RYR2: variants seen among roughly 807,000 people sequenced by gnomAD.
RYR2 encodes the protein ryanodine receptor 2.
RYR2 carries 227 observed loss-of-function variants against 601.1 expected under a neutral mutation model. That is an observed-to-expected ratio of 0.38 (90% CI 0.34 to 0.42). The LOEUF (loss-of-function observed/expected upper bound fraction) is 0.42. Ranked by LOEUF, RYR2 falls within the 10% of genes least tolerant of loss-of-function variation. RYR2 has a pLI of 1.00. For missense variants in RYR2, 4,646 were observed against 6,156.5 expected (o/e 0.75, Z 8.21); for synonymous variants, 2,223 against 2,175.1 (o/e 1.02, Z -0.61).
chr1:237,208,913 T>G (rs1682122649), intron 1 of RYR2, among the ~76,000 whole-genome samples: 1 of 139,848 alleles, frequency 7.2e-6, no homozygotes, highest in African/African-American at 2.7e-5. Context: ...CTCTCTCTCA[T>G]CTGTACAACC....
chr1:237,211,478 T>C (rs1460491614), intron 1 of RYR2, among the ~76,000 whole-genome samples: 1 of 152,228 alleles, frequency 6.6e-6, no homozygotes, highest in Admixed American at 6.5e-5. Flanking sequence ...AAGGTTTAGA[T>C]AGACAGGCTT....
intron 1 of RYR2, among the ~76,000 whole-genome samples, chr1:237,107,307 G>T (rs1234431946): frequency 6.6e-6 from 1 of 151,440 alleles, no homozygotes; most frequent in Non-Finnish European, 1.5e-5. Flanking sequence ...GGATCACGAG[G>T]TCAGGAGATC....
intron 2 of RYR2, among the ~76,000 whole-genome samples, chr1:237,276,365 G>A (rs1327273970): frequency 6.6e-6 from 1 of 152,168 alleles, no homozygotes; most frequent in Non-Finnish European, 1.5e-5. Flanking sequence ...CTCCCAAAGT[G>A]CTGAGATTAC....
intron 55 of RYR2, 53 bp from the exon 56 acceptor site, chr1:237,660,757 A>T (rs908988661): frequency 1.4e-6 from 2 of 1,459,830 alleles, no homozygotes; most frequent in African/African-American, 2.9e-5. Context: ...GTTACTTAAC[A>T]TTTTTATTTA....
chr1:237,376,116 G>A (rs977663808), intron 7 of RYR2, among the ~76,000 whole-genome samples: 1 of 152,070 alleles, frequency 6.6e-6, no homozygotes, highest in Non-Finnish European at 1.5e-5. Flanking sequence ...CCAATAGTGG[G>A]TACACTATAA....
At chr1:237,493,687 C>T (rs1274279734) in intron 19 of RYR2, among the ~76,000 whole-genome samples, 9 of 152,162 alleles carry the variant, frequency 5.9e-5, no homozygotes, top group African/African-American at 1.7e-4. Flanking sequence ...CTCCTGACCT[C>T]GTGATCTGCC....
At chr1:237,508,268 A>G (rs1326772693) in intron 23 of RYR2, among the ~76,000 whole-genome samples, 5 of 152,090 alleles carry the variant, frequency 3.3e-5, no homozygotes, top group Admixed American at 3.3e-4. Context: ...CGGCCTCATC[A>G]ATTCTTAAAA....
chr1:237,824,920 T>C (rs948597856), intron 101 of RYR2, among the ~76,000 whole-genome samples: 1 of 152,078 alleles, frequency 6.6e-6, no homozygotes, highest in African/African-American at 2.4e-5. Context: ...CCATTCACAA[T>C]TGCTATAAAG....
intron 36 of RYR2, among the ~76,000 whole-genome samples, chr1:237,611,547 T>C (rs1319276058): frequency 1.3e-5 from 2 of 152,160 alleles, no homozygotes; most frequent in African/African-American, 4.8e-5. Flanking sequence ...TGAGTAGCTT[T>C]GTTTATGATT....
chr1:237,814,547 CAG>C (rs34431823), intron 100 of RYR2, among the ~76,000 whole-genome samples: 8,287 of 140,656 alleles, frequency 0.059, 718 homozygotes, highest in African/African-American at 0.21. Context: ...AGACAAGTCA[CAG>C]GGGGATTTTT....
chr1:237,042,458 G>A lies in RYR2; in HGVS notation c.-64G>A. 1 of 1,228,098 alleles carries A rather than the reference G, an allele frequency of 8.1e-7. No individual in the cohort carries two copies. The highest frequency in any genetic ancestry group is 1.0e-6 in the Non-Finnish European group (1 of 974,458). The allele number at this position is 1,228,098 out of a possible 1,614,324, so 76.1% of individuals were successfully genotyped here. On this transcript the variant is annotated 5_prime_UTR_variant, in exon 1 of 105. Coordinates refer to ENST00000366574, the MANE Select transcript of RYR2 (RefSeq NM_001035.3). ...AGCAGAAGCAGAAGGCAGCGCCAGG[G>A]GCCGCCGCCGCCGCCGAGCTCCGCG...
At chr1:237,190,197 T>G (rs1376169505) in intron 1 of RYR2, among the ~76,000 whole-genome samples, 1 of 152,134 alleles carries the variant, frequency 6.6e-6, no homozygotes, top group African/African-American at 2.4e-5. Context: ...CCATACTGTT[T>G]TCTATAATGG....
intron 1 of RYR2, among the ~76,000 whole-genome samples, chr1:237,241,969 A>T (rs1686219972): frequency 6.6e-6 from 1 of 152,156 alleles, no homozygotes; most frequent in South Asian, 2.1e-4. Flanking sequence ...CTATTGTATT[A>T]GCAGGGTCTT....
At chr1:237,074,177 G>A (rs1160573055) in intron 1 of RYR2, among the ~76,000 whole-genome samples, 2 of 151,826 alleles carry the variant, frequency 1.3e-5, no homozygotes, top group African/African-American at 4.8e-5. Context: ...AATTAGCTGG[G>A]TGTGGTGGAA....
intron 100 of RYR2, among the ~76,000 whole-genome samples, chr1:237,813,158 G>A (rs1661432733): frequency 6.6e-6 from 1 of 152,112 alleles, no homozygotes; most frequent in South Asian, 2.1e-4. Flanking sequence ...AGGGGAGTGG[G>A]AGGCCAGGAA....
rs1573614838 is a variant in RYR2 at position 237,708,928 on chromosome 1, G to A, written c.9972G>A (p.Glu3324=). 2.5e-6 allele frequency: 4 copies of A among 1,612,802 alleles called. No homozygotes were observed. The highest frequency in any genetic ancestry group is 3.4e-6 in the Non-Finnish European group (4 of 1,179,074). Residue 3324 remains glutamate, a synonymous_variant, in exon 69 of 105, where the codon GAG becomes GAA. Coordinates refer to ENST00000366574, the MANE Select transcript of RYR2 (RefSeq NM_001035.3). The part of the protein sequence containing the change: ...LLKTHFLPLM[E]KLKKKAATVV... ...AAACTCATTTCTTGCCGTTAATGGA[G>A]AAACTCAAGAAAAAGGCAGCTACGG...
At chr1:237,137,214 C>T (rs1302082354) in intron 1 of RYR2, among the ~76,000 whole-genome samples, 1 of 152,058 alleles carries the variant, frequency 6.6e-6, no homozygotes, top group Non-Finnish European at 1.5e-5. Flanking sequence ...CCTTAAGGAA[C>T]AATTATTTCT....
At chr1:237,711,690 A>C (rs1242323324) in intron 70 of RYR2, 55 bp from the exon 71 acceptor site, 1 of 867,192 alleles carries the variant, frequency 1.2e-6, no homozygotes. Flanking sequence ...GTAACCTCTA[A>C]TTACAAAGAC....
intron 3 of RYR2, among the ~76,000 whole-genome samples, chr1:237,344,451 A>G (rs1051405914): frequency 1.2e-4 from 18 of 152,176 alleles, no homozygotes; most frequent in African/African-American, 4.1e-4. Flanking sequence ...CTCCCTGAAT[A>G]TGCTACACTT....
Sources: gnomAD v4.1 joint callset for allele counts (sites outside exome capture counted in the v4.1 genomes callset) on GRCh38, gnomAD v4.1.1 for gene constraint, MANE v1.5 for transcripts, NCBI Gene and HGNC (gene_info 2026-07-23, HGNC 2026-07-21) for gene names.